The following ARID3A variants were observed in gnomAD, a reference collection of about 807,000 sequenced individuals.
ARID3A encodes AT-rich interactive domain-containing protein 3A.
A neutral mutation model predicts 52.7 loss-of-function variants in ARID3A; 11 were observed. The observed-to-expected ratio is 0.21, with a 90% confidence interval of 0.13 to 0.35. The LOEUF (loss-of-function observed/expected upper bound fraction) is 0.35, where lower values mean the gene tolerates loss of function less well. Among genes scored for constraint, ARID3A ranks in the 10% least tolerant of loss-of-function variants. The probability of loss-of-function intolerance (pLI) is 1.00; values close to 1 mark genes in which losing one functional copy is unlikely to be tolerated. For missense variants in ARID3A, 721 were observed against 838.5 expected (o/e 0.86, Z 1.73); for synonymous variants, 404 against 359.4 (o/e 1.12, Z -1.40).
Position 929,296 on chromosome 19 carries a change from C to A in ARID3A, c.-233C>A. 1 of 401,286 alleles carries A rather than the reference C, an allele frequency of 2.5e-6. No homozygotes were observed. 24.9% of individuals were successfully genotyped at this position (401,286 alleles called of 1,614,324 possible). On this transcript the variant is annotated 5_prime_UTR_variant, in exon 2 of 9. Coordinates refer to ENST00000263620, the MANE Select transcript of ARID3A (RefSeq NM_005224.3). This position sits in a 1 kb window ranked among gnomAD's most constrained non-coding sequence, Gnocchi z 6.2. ...AATGCGTGAATGAGCCGGATGCCAGCCTCTGTCCCCTGGAGCCCAGCGTGA... is the reference window on the plus strand; with the variant it reads ...AATGCGTGAATGAGCCGGATGCCAGACTCTGTCCCCTGGAGCCCAGCGTGA...
chr19:952,512 GGGCCAACCCTCCTGGAGGCTCAGTCA>G (rs1211937564), intron 3 of ARID3A, among the ~76,000 whole-genome samples: 14 of 149,970 alleles, frequency 9.3e-5, no homozygotes, highest in South Asian at 2.1e-4. Flanking sequence ...GCCAAGTCTC[GGGCCAACCCTCCTGGAGGCTCAGTCA>G]GGCCAACCCT....
rs2038306333 is a variant in ARID3A, at chr19:972,793, A to G, written c.*728A>G. The G allele has an allele frequency of 3.0e-5, 4 of 135,490 alleles. No individual in the cohort carries two copies. The South Asian group carries it at 1.5e-3, about 51-fold the overall frequency. 8.4% of individuals were successfully genotyped at this position (135,490 alleles called of 1,614,324 possible). On this transcript the variant is annotated 3_prime_UTR_variant, in exon 9 of 9. Transcript: ENST00000263620. ...GGAAACTGGTCTTGAAAAAGCAAGA[A>G]AAAAAAGCAAAAAAAAAAAAAAAAA...
chr19:948,627 C>G (rs548785967), intron 3 of ARID3A, among the ~76,000 whole-genome samples: 1 of 152,128 alleles, frequency 6.6e-6, no homozygotes, highest in South Asian at 2.1e-4. Context: ...TTCTTCATTC[C>G]TGCCTCATCT....
intron 3 of ARID3A, among the ~76,000 whole-genome samples, chr19:949,321 G>A (rs144097886): frequency 0.014 from 2,194 of 152,138 alleles, 44 homozygotes; most frequent in African/African-American, 0.047. Context: ...AGCAGCAGCC[G>A]CAGGTGCTGA....
In ARID3A at chr19:973,104, A is replaced by ATTTTTTTTTTTTTTTTTTTTTTTTTTT. The variant is rs56404084; in HGVS notation, c.*1060_*1061insTTTTTTTTTTTTTTTTTTTTTTTTTTT. ...GGGCTCTCGAGTCAGGGGCCTGGAA[A>ATTTTTTTTTTTTTTTTTTTTTTTTTTT]TTTTTTTTTTTTTTTTTTTTTGAGA... On this transcript the variant is annotated 3_prime_UTR_variant, in exon 9 of 9. Coordinates refer to ENST00000263620, the MANE Select transcript of ARID3A (RefSeq NM_005224.3). 6.0e-3 allele frequency: 324 copies of ATTTTTTTTTTTTTTTTTTTTTTTTTTT among 53,666 alleles called. 109 individuals carry two copies. The highest frequency in any genetic ancestry group is 8.2e-3 in the Non-Finnish European group (238 of 29,056). 3.3% of individuals were successfully genotyped at this position (53,666 alleles called of 1,614,324 possible).
At position 961,227 on chromosome 19, in the gene ARID3A, C is replaced by T. The variant is rs962529589; in HGVS notation, c.766+1063C>T. ...GCCGTCACAGGGGCCCGCTGTGTCC[C>T]AGCCTCCGCCCACCCCTCCCCTGGC... On this transcript the variant is annotated intron_variant, in intron 4 of 8. Coordinates refer to ENST00000263620, the MANE Select transcript of ARID3A (RefSeq NM_005224.3). 2.6e-5 allele frequency among the ~76,000 whole-genome samples: 4 copies of T among 152,280 alleles called. No homozygotes were observed. The South Asian group carries it at 8.3e-4, about 32-fold the overall frequency.
rs550433241 is a variant in ARID3A, at chr19:947,235, G to T, written c.694-12857G>T. On this transcript the variant is annotated intron_variant, in intron 3 of 8. Coordinates refer to ENST00000263620, the MANE Select transcript of ARID3A (RefSeq NM_005224.3). This position sits in a 1 kb window ranked among gnomAD's most constrained non-coding sequence, Gnocchi z 6.3. The stretch of plus-strand genomic sequence containing the variant: ...GTCTGTGTCTGCATCTGTGAAACGG[G>T]TTTCCTGGCAGATAGAGGGGCTGCT... Among the ~76,000 whole-genome samples, 1 of 152,318 alleles carries T rather than the reference G, an allele frequency of 6.6e-6. No homozygotes were observed. Among genetic ancestry groups the T allele is most frequent in the Admixed American group, 6.5e-5 (1 of 15,302 alleles).
In ARID3A at chr19:932,297, C is replaced by T. The variant is rs114577630; in HGVS notation, c.369-121C>T. On this transcript the variant is annotated intron_variant, in intron 2 of 8. Coordinates refer to ENST00000263620, the MANE Select transcript of ARID3A (RefSeq NM_005224.3). ...GAGCGCTCTCTGCAGTCTGAGCTGG[C>T]GGCGGCCGGCTCTTCCTATTTCCAG... The T allele has an allele frequency of 1.6e-3, 2,425 of 1,527,676 alleles. 31 individuals carry two copies. In the African/African-American group the frequency reaches 0.031, roughly 19 times the overall value. 94.6% of individuals were successfully genotyped at this position (1,527,676 alleles called of 1,614,324 possible).
rs117766590 is a variant in ARID3A at position 944,487 on chromosome 19, T to G, written c.693+11745T>G. ...TGCTTCGGTCGATGCCCCCAAACCT[T>G]GACCCATCTCAGGGGCACCACGCTC... On this transcript the variant is annotated intron_variant, in intron 3 of 8. Transcript: ENST00000263620. This position sits in a 1 kb window ranked among gnomAD's most constrained non-coding sequence, Gnocchi z 5.9. 9.6e-3 allele frequency among the ~76,000 whole-genome samples: 1,457 copies of G among 152,232 alleles called. 12 individuals carry two copies. The highest frequency in any genetic ancestry group is 0.014 in the Non-Finnish European group (923 of 67,996).
In ARID3A at chr19:959,155, G is replaced by A. The variant is rs2037987382; in HGVS notation, c.694-937G>A. Among the ~76,000 whole-genome samples the A allele has an allele frequency of 6.6e-6, 1 of 152,210 alleles. No homozygotes were observed. The highest frequency in any genetic ancestry group is 2.1e-4 in the South Asian group (1 of 4,836). The stretch of plus-strand genomic sequence containing the variant: ...GGACGCATCCTGCACGAAGACAGAG[G>A]CAGAGGCTGGAGCGACGCGGCCACA... On this transcript the variant is annotated intron_variant, in intron 3 of 8. Coordinates refer to ENST00000263620, the MANE Select transcript of ARID3A (RefSeq NM_005224.3). The surrounding 1 kb of genome is among the most constrained non-coding windows in gnomAD (Gnocchi z 5.0).
In ARID3A at chr19:941,078, G is replaced by A. The variant is rs1229217616; in HGVS notation, c.693+8336G>A. ...CACCGCCGCCGCGGCCTGGCCCCAC[G>A]CCCACCGCCGGCGTCCCACCCTGGT... On this transcript the variant is annotated intron_variant, in intron 3 of 8. Transcript: ENST00000263620. The surrounding 1 kb of genome is among the most constrained non-coding windows in gnomAD (Gnocchi z 6.9). Among the ~76,000 whole-genome samples, 3 of 152,078 alleles carry A rather than the reference G, an allele frequency of 2.0e-5. No individual in the cohort carries two copies. The highest frequency in any genetic ancestry group is 6.5e-5 in the Admixed American group (1 of 15,272).
At position 964,162 on chromosome 19, in the gene ARID3A, C is replaced by A; in HGVS notation, c.767-86C>A. ...TCACAGCCTGGGCGGGGGAGTGCTC[C>A]TGGCATGGAGAGGGCGGAGGCCAGG... On this transcript the variant is annotated intron_variant, in intron 4 of 8. Transcript: ENST00000263620. The surrounding 1 kb of genome is among the most constrained non-coding windows in gnomAD (Gnocchi z 5.7). 8.5e-7 allele frequency: 1 copy of A among 1,176,298 alleles called. No individual in the cohort carries two copies. The highest frequency in any genetic ancestry group is 1.2e-6 in the Non-Finnish European group (1 of 828,774). 72.9% of individuals were successfully genotyped at this position (1,176,298 alleles called of 1,614,324 possible). A position where few individuals can be genotyped will look rare whatever the true frequency, so the allele number is the denominator to read the frequency against.
intron 1 of ARID3A, among the ~76,000 whole-genome samples, chr19:927,179 G>T (rs1426462163): frequency 6.6e-6 from 1 of 152,094 alleles, no homozygotes; most frequent in Non-Finnish European, 1.5e-5. Context: ...CGGAGGCCTG[G>T]GGGGAGGAGG....
chr19:932,875 T>A, intron 3 of ARID3A, 133 bp downstream of exon 3: 7 of 1,469,468 alleles, frequency 4.8e-6, no homozygotes, highest in Non-Finnish European at 6.3e-6. Flanking sequence ...CTGCGGTAGC[T>A]GTGCTTCCTG....
chr19:946,824 C>G (rs2037695056), intron 3 of ARID3A, among the ~76,000 whole-genome samples: 1 of 150,926 alleles, frequency 6.6e-6, no homozygotes, highest in Non-Finnish European at 1.5e-5. Flanking sequence ...GACAGGGTCT[C>G]CCTCTGTTGC....
Position 929,483 on chromosome 19 carries a change from T to G in ARID3A, c.-46T>G, listed in dbSNP as rs770789456. ...CCCCGCCGCCCACCCCTAGCGCCCG[T>G]GGTGGTGGTGGTGGTGGTGGTGGTG... On this transcript the variant is annotated 5_prime_UTR_variant, in exon 2 of 9. Transcript: ENST00000263620. This position sits in a 1 kb window ranked among gnomAD's most constrained non-coding sequence, Gnocchi z 6.2. The G allele has an allele frequency of 4.3e-4, 320 of 736,590 alleles. No homozygotes were observed. The highest frequency in any genetic ancestry group is 3.4e-3 in the East Asian group (38 of 11,296). The allele number at this position is 736,590 out of a possible 1,614,324, so 45.6% of individuals were successfully genotyped here.
At chr19:937,563 G>C (rs2037461977) in intron 3 of ARID3A, among the ~76,000 whole-genome samples, 1 of 151,982 alleles carries the variant, frequency 6.6e-6, no homozygotes, top group South Asian at 2.1e-4. Flanking sequence ...AGAATTGCTG[G>C]GTCTGCTGGT....
rs775338115 is a variant in ARID3A at position 973,104 on chromosome 19, A to ATCTTT, written c.*1040_*1041insCTTTT. The ATCTTT allele has an allele frequency of 3.7e-5, 2 of 53,660 alleles. No homozygotes were observed. The highest frequency in any genetic ancestry group is 7.0e-5 in the African/African-American group (1 of 14,244). The allele number at this position is 53,660 out of a possible 1,614,324, so 3.3% of individuals were successfully genotyped here. A position where few individuals can be genotyped will look rare whatever the true frequency, so the allele number is the denominator to read the frequency against. Reference sequence around the variant, plus strand: ...GGGCTCTCGAGTCAGGGGCCTGGAAATTTTTTTTTTTTTTTTTTTTTGAGA... The same window carrying ATCTTT: ...GGGCTCTCGAGTCAGGGGCCTGGAAATCTTTTTTTTTTTTTTTTTTTTTTTTGAGA... On this transcript the variant is annotated 3_prime_UTR_variant, in exon 9 of 9. Transcript: ENST00000263620.
intron 8 of ARID3A, among the ~76,000 whole-genome samples, chr19:970,410 G>C (rs1190081180): frequency 4.6e-5 from 7 of 152,062 alleles, no homozygotes; most frequent in Non-Finnish European, 8.8e-5. Context: ...ACTTTGGGAG[G>C]CTAAGGAGAG....
Sources: gnomAD v4.1 joint callset for allele counts (sites outside exome capture counted in the v4.1 genomes callset) on GRCh38, gnomAD v4.1.1 for gene constraint, Gnocchi (gnomAD v3.1) non-coding constraint, MANE v1.5 for transcripts, NCBI Gene and HGNC (gene_info 2026-07-23, HGNC 2026-07-21) for gene names.